RP1L1: variants seen among roughly 807,000 people sequenced by gnomAD.
RP1L1 encodes RP1 like 1.
Under a neutral mutation model 15.7 loss-of-function variants are expected in RP1L1, and 27 were observed. The observed-to-expected ratio is 1.72, with a 90% CI of 1.27 to 2.38. RP1L1 has a LOEUF of 2.38. Ranked by LOEUF, RP1L1 falls within the 30% of genes most tolerant of loss-of-function variation. The pLI is 0.00. For synonymous variants in RP1L1, 1,813 were observed against 1,276.7 expected (o/e 1.42, Z -8.96); for missense variants, 4,798 against 3,075.9 (o/e 1.56, Z -13.24).
intron 1 of RP1L1, among the ~76,000 whole-genome samples, chr8:10,643,496 T>C (rs1033014346): frequency 6.6e-6 from 1 of 152,136 alleles, no homozygotes; most frequent in Middle Eastern, 3.2e-3. Flanking sequence ...CTGCCATAAA[T>C]TACCTCAAGA....
Position 10,616,474 on chromosome 8 carries a change from T to C in RP1L1, c.723A>G (p.Leu241=), listed in dbSNP as rs1279349168. Residue 241 remains leucine (L), a synonymous_variant, in exon 3 of 4, where the codon TTA becomes TTG. Transcript: ENST00000382483. ...TTTTGTTTCTTGAAGTCAGCCCAGA[T>C]AAAGTTTCAGCCTCGCTTCTCCTGG... is the stretch of plus-strand genomic sequence containing the variant. ...KNARRSEAET[L]SGLTSRNKNG... 1.9e-6 allele frequency: 3 copies of C among 1,614,210 alleles called. No individual in the cohort carries two copies. The highest frequency in any genetic ancestry group is 1.1e-5 in the South Asian group (1 of 91,092).
Position 10,617,962 on chromosome 8 carries a change from G to A in RP1L1, c.610-1375C>T, listed in dbSNP as rs140771914. Reference sequence around the variant, plus strand: ...GTAGCTAACGGAAGGTAGGGACCTCGTCTCATTTGTCTGTTTATGTGGCAC... The same window carrying A: ...GTAGCTAACGGAAGGTAGGGACCTCATCTCATTTGTCTGTTTATGTGGCAC... On this transcript the variant is annotated intron_variant, in intron 2 of 3. Coordinates refer to ENST00000382483, the MANE Select transcript of RP1L1 (RefSeq NM_178857.6). Among the ~76,000 whole-genome samples the A allele has an allele frequency of 8.5e-5, 13 of 152,248 alleles. 1 individual carries two copies. Among genetic ancestry groups the A allele is most frequent in the East Asian group, 7.7e-4 (4 of 5,174 alleles).
rs375859771 is a variant in RP1L1, at chr8:10,611,621, C to A, written c.2477G>T (p.Cys826Phe). 43 of 1,612,716 alleles carry A rather than the reference C, an allele frequency of 2.7e-5. No individual in the cohort carries two copies. The African/African-American group carries it at 5.3e-4, about 20-fold the overall frequency. The change falls in exon 4 of 4, where the codon TGC (cysteine) becomes TTC (phenylalanine). Residue 826 changes from cysteine (C) to phenylalanine (F), a missense_variant. Cys to Phe is a radical substitution (Grantham distance 205, BLOSUM62 -2). Transcript: ENST00000382483. ...GAVGPHRSHC[C>F]SQPGTQPAQE... ...GGCCGGCTGCGTCCCAGGCTGTGAG[C>A]AGCAGTGGCTTCGGTGGGGGCCCAC...
chr8:10,611,925 C>T lies in RP1L1; in HGVS notation c.2173G>A (p.Gly725Ser). 1.9e-6 allele frequency: 3 copies of T among 1,613,860 alleles called. No homozygotes were observed. Among genetic ancestry groups the T allele is most frequent in the Non-Finnish European group, 2.5e-6 (3 of 1,180,022 alleles). The change falls in exon 4 of 4, where the codon GGC becomes AGC. Residue 725 changes from glycine (G) to serine (S), a missense_variant. Transcript: ENST00000382483. ...AGAAGGTCCTGGGAAGGAAGAGAGC[C>T]CGAGGAGGGAGGTCTCAGGTTCCCA... ...ASGNLRPPSS[G>S]SLPSQDLLGT...
rs756294027 is a variant in RP1L1 at position 10,612,351 on chromosome 8, A to T, written c.1747T>A (p.Ser583Thr). ...DPASPALSLS[S>T]LRSDDLQAET... ...GCCTGCAGGTCGTCACTCCTTAAAG[A>T]TGAAAGACTCAGGGCTGGAGAAGCG... The change falls in exon 4 of 4, where the codon TCT becomes ACT. Residue 583 changes from serine (S) to threonine (T), a missense_variant. Physicochemically the swap from Ser to Thr is moderately conservative, Grantham distance 58. Transcript: ENST00000382483. The T allele has an allele frequency of 6.2e-7, 1 of 1,613,108 alleles. No homozygotes were observed. Among genetic ancestry groups the T allele is most frequent in the Non-Finnish European group, 8.5e-7 (1 of 1,180,004 alleles).
intron 2 of RP1L1, among the ~76,000 whole-genome samples, chr8:10,617,546 C>CTTTTTTT (rs777209714): frequency 7.7e-4 from 49 of 63,416 alleles, no homozygotes; most frequent in Admixed American, 1.0e-3. Flanking sequence ...GTTTCTTTTT[C>CTTTTTTT]TTTTTTTTTT....
At chr8:10,634,274 T>C (rs906528231) in intron 1 of RP1L1, among the ~76,000 whole-genome samples, 1 of 152,126 alleles carries the variant, frequency 6.6e-6, no homozygotes, top group Non-Finnish European at 1.5e-5. Flanking sequence ...TGCAAACAGT[T>C]CTGAATATGC....
Position 10,609,150 on chromosome 8 carries a change from C to G in RP1L1, c.4948G>C (p.Glu1650Gln). Residue 1650 changes from glutamate to glutamine, a missense_variant, in exon 4 of 4, where the codon GAG (glutamate) becomes CAG (glutamine). Physicochemically the swap from Glu to Gln is conservative, Grantham distance 29. Coordinates refer to ENST00000382483, the MANE Select transcript of RP1L1 (RefSeq NM_178857.6). The part of the protein sequence containing the change: ...STALGSQLGE[E>Q]AEGEEFCPCE... ...GGACAGAACTCCTCCCCCTCCGCCT[C>G]CTCGCCCAGCTGGCTCCCCAGGGCT... 6.2e-7 allele frequency: 1 copy of G among 1,613,528 alleles called. No individual in the cohort carries two copies.
At chr8:10,631,405 ACGCACACACG>A (rs1563135505) in intron 1 of RP1L1, among the ~76,000 whole-genome samples, 22 of 133,726 alleles carry the variant, frequency 1.6e-4, no homozygotes, top group Admixed American at 4.3e-4. Flanking sequence ...ACGCACACAC[ACGCACACACG>A]CACACACACA....
chr8:10,652,251 T>G (rs1488036932), intron 1 of RP1L1, among the ~76,000 whole-genome samples: 1 of 152,088 alleles, frequency 6.6e-6, no homozygotes, highest in Admixed American at 6.6e-5. Flanking sequence ...AGGAAATGAT[T>G]TTAGGATCAA....
At chr8:10,618,149 G>T (rs1355112335) in intron 2 of RP1L1, among the ~76,000 whole-genome samples, 1 of 152,148 alleles carries the variant, frequency 6.6e-6, no homozygotes, top group Non-Finnish European at 1.5e-5. Context: ...ATGCAACTAG[G>T]AGCAAATTAC....
At chr8:10,636,993 C>T (rs145370388) in intron 1 of RP1L1, among the ~76,000 whole-genome samples, 4 of 152,208 alleles carry the variant, frequency 2.6e-5, no homozygotes, top group South Asian at 2.1e-4. Context: ...CAGGGCTCTA[C>T]GTGGGGCCAC....
intron 1 of RP1L1, among the ~76,000 whole-genome samples, chr8:10,631,223 AAACGCACAC>A (rs1798237036): frequency 6.6e-6 from 1 of 150,508 alleles, no homozygotes; most frequent in Non-Finnish European, 1.5e-5. Context: ...ACACACACAC[AAACGCACAC>A]ACGTACACAC....
chr8:10,634,442 G>A (rs550128714), intron 1 of RP1L1, among the ~76,000 whole-genome samples: 2 of 152,226 alleles, frequency 1.3e-5, no homozygotes, highest in African/African-American at 2.4e-5. Context: ...CCGGTTTTCC[G>A]TGATGTGACA....
intron 3 of RP1L1, among the ~76,000 whole-genome samples, chr8:10,613,835 A>T (rs1797922236): frequency 6.6e-6 from 1 of 152,048 alleles, no homozygotes; most frequent in African/African-American, 2.4e-5. Flanking sequence ...GCTATTCTAG[A>T]ATGACCATCC....
At chr8:10,619,246 G>C (rs1798020406) in intron 2 of RP1L1, among the ~76,000 whole-genome samples, 1 of 152,220 alleles carries the variant, frequency 6.6e-6, no homozygotes, top group African/African-American at 2.4e-5. Context: ...TGCGAAATAA[G>C]TCCCACTAAT....
intron 1 of RP1L1, among the ~76,000 whole-genome samples, chr8:10,623,430 T>C (rs1798106176): frequency 1.3e-5 from 2 of 152,160 alleles, no homozygotes; most frequent in South Asian, 2.1e-4. Flanking sequence ...GCCCCGTGAA[T>C]TGCTTGAGCT....
At chr8:10,628,810 CA>C (rs931095177) in intron 1 of RP1L1, among the ~76,000 whole-genome samples, 1 of 152,116 alleles carries the variant, frequency 6.6e-6, no homozygotes, top group Non-Finnish European at 1.5e-5. Context: ...TGGAAACTGT[CA>C]AAAAACAAAA....
At chr8:10,614,078 T>C (rs1009180390) in intron 3 of RP1L1, among the ~76,000 whole-genome samples, 46 of 152,346 alleles carry the variant, frequency 3.0e-4, no homozygotes, top group African/African-American at 1.1e-3. Flanking sequence ...ATGGCAGACT[T>C]GGCAGGCAGA....
Sources: gnomAD v4.1 joint callset for allele counts (sites outside exome capture counted in the v4.1 genomes callset) on GRCh38, gnomAD v4.1.1 for gene constraint, MANE v1.5 for transcripts, NCBI Gene and HGNC (gene_info 2026-07-23, HGNC 2026-07-21) for gene names.